PGCKA1: variants seen among roughly 807,000 people sequenced by gnomAD.
PGCKA1 encodes the protein PDCD10 and GCKIII kinases associated 1, also known as PDCD10 and GCKIII kinases-associated protein 1.
chr4:37,585,599 AGAGGAGAGGTGTTGAGGAAGGAGAGGGGT>A, the PGCKA1 span, among the ~76,000 whole-genome samples: 47 of 30,970 alleles, frequency 1.5e-3, 5 homozygotes, highest in African/African-American at 4.1e-3. Context: ...AGGGGAGGGG[AGAGGAGAGGTGTTGAGGAAGGAGAGGGGT>A]GAGGAGAGGT....
the PGCKA1 span, among the ~76,000 whole-genome samples, chr4:37,552,642 C>T: frequency 1.8e-4 from 27 of 152,326 alleles, no homozygotes; most frequent in Admixed American, 5.2e-4. Context: ...CAAATTTGCT[C>T]CTTCCTCTGG....
At chr4:37,526,524 T>C in the PGCKA1 span, among the ~76,000 whole-genome samples, 2 of 152,188 alleles carry the variant, frequency 1.3e-5, no homozygotes, top group African/African-American at 4.8e-5. Context: ...TTAAACTTCA[T>C]TGGGATAAGC....
At chr4:37,542,246 A>T in the PGCKA1 span, among the ~76,000 whole-genome samples, 1 of 152,170 alleles carries the variant, frequency 6.6e-6, no homozygotes, top group Admixed American at 6.5e-5. Context: ...CCACTATGCA[A>T]AAGTGTCTTC....
the PGCKA1 span, among the ~76,000 whole-genome samples, chr4:37,486,472 C>A: frequency 6.6e-6 from 1 of 152,110 alleles, no homozygotes; most frequent in African/African-American, 2.4e-5. Flanking sequence ...GAGCAAGAAA[C>A]ACTTAGACCA....
the PGCKA1 span, among the ~76,000 whole-genome samples, chr4:37,567,715 C>T: frequency 1.3e-5 from 2 of 152,116 alleles, no homozygotes; most frequent in Non-Finnish European, 2.9e-5. Context: ...AGGGAGCACC[C>T]GGGTGCCATC....
the PGCKA1 span, among the ~76,000 whole-genome samples, chr4:37,561,183 G>C: frequency 1.3e-5 from 2 of 152,062 alleles, no homozygotes; most frequent in Non-Finnish European, 2.9e-5. Context: ...CTCCTCTCCT[G>C]CTTCTTGATA....
chr4:37,577,890 C>T, the PGCKA1 span, among the ~76,000 whole-genome samples: 1 of 152,104 alleles, frequency 6.6e-6, no homozygotes, highest in Non-Finnish European at 1.5e-5. Context: ...TCTAGTTTTA[C>T]TCCATTGTGG....
the PGCKA1 span, among the ~76,000 whole-genome samples, chr4:37,464,797 A>G: frequency 6.6e-6 from 1 of 152,272 alleles, no homozygotes; most frequent in Non-Finnish European, 1.5e-5. Flanking sequence ...GTTTCTAAAT[A>G]TACCCCAAGC....
chr4:37,580,619 C>G, the PGCKA1 span, among the ~76,000 whole-genome samples: 9 of 152,230 alleles, frequency 5.9e-5, no homozygotes, highest in Middle Eastern at 3.2e-3. Flanking sequence ...AAGTTTCTCT[C>G]TCTGTACTGA....
At chr4:37,541,965 G>A in the PGCKA1 span, among the ~76,000 whole-genome samples, 1 of 152,154 alleles carries the variant, frequency 6.6e-6, no homozygotes, top group African/African-American at 2.4e-5. Context: ...CAAACAGCAT[G>A]CACTCTATAC....
At chr4:37,522,531 C>T in the PGCKA1 span, among the ~76,000 whole-genome samples, 1 of 152,090 alleles carries the variant, frequency 6.6e-6, no homozygotes, top group East Asian at 1.9e-4. Context: ...CAGTCAATTC[C>T]TGGAATCTGG....
the PGCKA1 span, among the ~76,000 whole-genome samples, chr4:37,581,600 G>T: frequency 6.6e-6 from 1 of 152,136 alleles, no homozygotes; most frequent in Non-Finnish European, 1.5e-5. The surrounding 1 kb of genome is among the most constrained non-coding windows in gnomAD (Gnocchi z 4.4). Context: ...TAATGTGGCT[G>T]AGCTGGTATC....
the PGCKA1 span, chr4:37,460,626 TCTC>T: frequency 4.5e-6 from 2 of 448,618 alleles, no homozygotes; most frequent in African/African-American, 2.0e-5. Flanking sequence ...GTCACATAAA[TCTC>T]CTCTTTTGAG....
At chr4:37,543,256 C>T in the PGCKA1 span, among the ~76,000 whole-genome samples, 13 of 152,172 alleles carry the variant, frequency 8.5e-5, no homozygotes, top group Admixed American at 7.2e-4. Flanking sequence ...CTACCACCTC[C>T]AGCCCTACCA....
the PGCKA1 span, among the ~76,000 whole-genome samples, chr4:37,476,546 C>T: frequency 2.6e-5 from 4 of 152,270 alleles, no homozygotes; most frequent in Non-Finnish European, 5.9e-5. Context: ...CAGGATAACA[C>T]TGTGGCTAAA....
At chr4:37,571,518 G>T in the PGCKA1 span, among the ~76,000 whole-genome samples, 1 of 149,974 alleles carries the variant, frequency 6.7e-6, no homozygotes, top group Non-Finnish European at 1.5e-5. Flanking sequence ...GCCTGCCACC[G>T]TGCCCAGCTA....
the PGCKA1 span, among the ~76,000 whole-genome samples, chr4:37,481,310 C>A: frequency 1.3e-5 from 2 of 150,738 alleles, no homozygotes; most frequent in Admixed American, 1.3e-4. Context: ...AAAAAAAATA[C>A]AAACCTTAGC....
the PGCKA1 span, among the ~76,000 whole-genome samples, chr4:37,532,201 A>G: frequency 6.6e-6 from 1 of 152,192 alleles, no homozygotes; most frequent in South Asian, 2.1e-4. Context: ...TATTAATGCA[A>G]ATTAAACTTA....
At chr4:37,536,929 T>C in the PGCKA1 span, among the ~76,000 whole-genome samples, 41,611 of 152,136 alleles carry the variant, frequency 0.27, 6,064 homozygotes, top group Non-Finnish European at 0.31. Flanking sequence ...TTTTTGGTAA[T>C]ACATGTAGTC....
Sources: gnomAD v4.1 joint callset for allele counts (sites outside exome capture counted in the v4.1 genomes callset) on GRCh38, gnomAD v4.1.1 for gene constraint, Gnocchi (gnomAD v3.1) non-coding constraint, MANE v1.5 for transcripts, NCBI Gene and HGNC (gene_info 2026-07-23, HGNC 2026-07-21) for gene names.